Variants in SDK1 observed in about 807,000 individuals in gnomAD.
SDK1 encodes protein sidekick-1.
Under a neutral mutation model 245.5 loss-of-function variants are expected in SDK1, and 157 were observed. The observed-to-expected ratio is 0.64, with a 90% CI of 0.56 to 0.73. The LOEUF (loss-of-function observed/expected upper bound fraction) is 0.73. Ranked by LOEUF, SDK1 falls within the 30% of genes least tolerant of loss-of-function variation. The pLI, the probability that SDK1 is intolerant of heterozygous loss-of-function variation, is 0.00. For missense variants in SDK1, 3,583 were observed against 3,002.3 expected (o/e 1.19, Z -4.52); for synonymous variants, 1,647 against 1,278.5 (o/e 1.29, Z -6.15).
intron 14 of SDK1, among the ~76,000 whole-genome samples, chr7:4,007,697 C>T (rs372905817): frequency 5.5e-4 from 83 of 152,196 alleles, no homozygotes; most frequent in Admixed American, 2.2e-3. Context: ...CTCCGCCTCC[C>T]GGGTTTCAGC....
chr7:3,394,114 G>A (rs911411978), intron 1 of SDK1, among the ~76,000 whole-genome samples: 2 of 151,682 alleles, frequency 1.3e-5, no homozygotes, highest in African/African-American at 4.8e-5. Context: ...ATAAGATCCA[G>A]AAGAACTCTC....
chr7:3,799,126 C>T (rs1050254342), intron 4 of SDK1, among the ~76,000 whole-genome samples: 5 of 152,120 alleles, frequency 3.3e-5, no homozygotes, highest in African/African-American at 1.2e-4. Context: ...CCTCATGTTT[C>T]TTCTCCTCTT....
chr7:3,332,169 T>G (rs1472056343), intron 1 of SDK1, among the ~76,000 whole-genome samples: 1 of 152,234 alleles, frequency 6.6e-6, no homozygotes, highest in African/African-American at 2.4e-5. Flanking sequence ...AGATTTAAAC[T>G]GGTTTATTTT....
intron 1 of SDK1, among the ~76,000 whole-genome samples, chr7:3,307,952 A>G (rs971028731): frequency 1.5e-4 from 23 of 152,160 alleles, no homozygotes; most frequent in African/African-American, 4.6e-4. Context: ...CTGTAACTCC[A>G]TATGTCTTAG....
chr7:3,701,250 AT>A (rs1298060568), intron 4 of SDK1, among the ~76,000 whole-genome samples: 2 of 152,242 alleles, frequency 1.3e-5, no homozygotes, highest in Non-Finnish European at 2.9e-5. Flanking sequence ...ACAGCACTTG[AT>A]GTTGAAAACT....
chr7:3,977,745 TCTC>T (rs1783070029), intron 13 of SDK1, among the ~76,000 whole-genome samples: 1 of 152,214 alleles, frequency 6.6e-6, no homozygotes, highest in South Asian at 2.1e-4. Context: ...CATGGCTCCC[TCTC>T]CTCCTGGAAC....
chr7:3,534,690 G>C (rs1469091332), intron 1 of SDK1, among the ~76,000 whole-genome samples: 1 of 152,128 alleles, frequency 6.6e-6, no homozygotes, highest in Admixed American at 6.5e-5. Flanking sequence ...TGTGATACAG[G>C]TGTTAAGAAA....
chr7:4,255,580 G>A (rs1318095219), intron 44 of SDK1, among the ~76,000 whole-genome samples: 1 of 152,148 alleles, frequency 6.6e-6, no homozygotes, highest in Non-Finnish European at 1.5e-5. Flanking sequence ...TACAAGCAAA[G>A]GCTGGATGCG....
intron 5 of SDK1, among the ~76,000 whole-genome samples, chr7:3,876,811 G>T (rs1034712971): frequency 1.3e-4 from 20 of 152,230 alleles, no homozygotes; most frequent in African/African-American, 4.8e-4. Flanking sequence ...TACTAGTTGG[G>T]CTGGATTCAC....
At chr7:3,440,198 A>G (rs1780154382) in intron 1 of SDK1, among the ~76,000 whole-genome samples, 1 of 152,200 alleles carries the variant, frequency 6.6e-6, no homozygotes, top group African/African-American at 2.4e-5. Flanking sequence ...TGTAAAATGA[A>G]GGTGTATTCC....
chr7:3,792,033 C>T (rs1377225173), intron 4 of SDK1, among the ~76,000 whole-genome samples: 4 of 152,058 alleles, frequency 2.6e-5, no homozygotes, highest in African/African-American at 4.8e-5. Context: ...GAGGCTGAGG[C>T]ATGAGGATTG....
chr7:3,865,103 G>A (rs1780788943), intron 5 of SDK1, among the ~76,000 whole-genome samples: 1 of 152,230 alleles, frequency 6.6e-6, no homozygotes, highest in South Asian at 2.1e-4. Context: ...ACTGACAGGA[G>A]TAGAAAGGAA....
At chr7:4,179,685 G>C (rs1012201711) in intron 35 of SDK1, among the ~76,000 whole-genome samples, 3 of 152,098 alleles carry the variant, frequency 2.0e-5, no homozygotes, top group African/African-American at 4.8e-5. Flanking sequence ...GGATGGACCT[G>C]GCTGTAGAGG....
Position 3,416,681 on chromosome 7 carries a change from T to C in SDK1, c.298+114797T>C, listed in dbSNP as rs1049988468. Among the ~76,000 whole-genome samples, 10 of 152,266 alleles carry C rather than the reference T, an allele frequency of 6.6e-5. No individual in the cohort carries two copies. In the Middle Eastern group the frequency reaches 0.01, roughly 155 times the overall value. ...CTGTGAACCTGGCCACCTTCAGGTC[T>C]GGAAGAAGAACATAGGAAGCCCTGC... On this transcript the variant is annotated intron_variant, in intron 1 of 44. Transcript: ENST00000404826.
intron 1 of SDK1, among the ~76,000 whole-genome samples, chr7:3,408,043 T>G (rs1392525465): frequency 1.3e-5 from 2 of 151,988 alleles, no homozygotes; most frequent in African/African-American, 2.4e-5. Flanking sequence ...AGTTCATTCT[T>G]TCATTTTTTT....
intron 1 of SDK1, among the ~76,000 whole-genome samples, chr7:3,575,408 C>G (rs28735285): frequency 6.6e-6 from 1 of 151,852 alleles, no homozygotes; most frequent in African/African-American, 2.4e-5. Context: ...GCCATCACAT[C>G]AGGGGTTAGG....
chr7:3,451,299 G>A (rs1315816281), intron 1 of SDK1, among the ~76,000 whole-genome samples: 3 of 151,520 alleles, frequency 2.0e-5, no homozygotes, highest in South Asian at 4.1e-4. Context: ...CTTTCCCACT[G>A]AGTCTGGAGA....
intron 1 of SDK1, among the ~76,000 whole-genome samples, chr7:3,607,163 A>G (rs1440622683): frequency 6.7e-6 from 1 of 149,430 alleles, no homozygotes; most frequent in Non-Finnish European, 1.5e-5. Flanking sequence ...TTTTTTTTTT[A>G]GTTTTTAAAA....
At chr7:4,114,360 G>T in intron 25 of SDK1, 86 bp downstream of exon 25, 1 of 1,052,368 alleles carries the variant, frequency 9.5e-7, no homozygotes, top group Non-Finnish European at 1.4e-6. Flanking sequence ...CAGGCTAGTG[G>T]CGTCTCATTG....
Sources: allele counts gnomAD v4.1 joint callset (sites outside exome capture counted in the v4.1 genomes callset), GRCh38; gene constraint gnomAD v4.1.1; transcripts MANE v1.5; gene names NCBI Gene and HGNC (gene_info 2026-07-23, HGNC 2026-07-21).